Variants in SYN3 observed in about 807,000 individuals in gnomAD.
SYN3 encodes synapsin III.
A neutral mutation model predicts 65.8 loss-of-function variants in SYN3; 35 were observed. That is an observed-to-expected ratio of 0.53 (90% CI 0.41 to 0.70). The LOEUF is 0.70. SYN3 is among the 30% of genes least tolerant of loss of function. The pLI, the probability that SYN3 is intolerant of heterozygous loss-of-function variation, is 0.00. For missense variants in SYN3, 680 were observed against 749.0 expected (o/e 0.91, Z 1.08); for synonymous variants, 270 against 292.9 (o/e 0.92, Z 0.80).
rs533574547 is a variant in SYN3, at chr22:32,941,589, C to CG, written c.370-10109dup. Among the ~76,000 whole-genome samples, 356 of 150,748 alleles carry CG rather than the reference C, an allele frequency of 2.4e-3. 1 individual carries two copies. The highest frequency in any genetic ancestry group is 4.0e-3 in the Non-Finnish European group (265 of 66,896). On this transcript the variant is annotated intron_variant, in intron 3 of 13. Transcript: ENST00000358763. ...CCAGGTTCATCTCACTGGGGTGTGT[C>CG]GGACAGTGGGGGCAGGACAGTCGGT...
intron 6 of SYN3, among the ~76,000 whole-genome samples, chr22:32,677,796 T>C (rs1457606455): frequency 2.0e-5 from 3 of 150,736 alleles, no homozygotes. Context: ...GCAAGACTCC[T>C]TCTCGGAAAA....
At chr22:32,637,160 T>A (rs1192207812) in intron 6 of SYN3, among the ~76,000 whole-genome samples, 3 of 152,194 alleles carry the variant, frequency 2.0e-5, no homozygotes, top group Non-Finnish European at 2.9e-5. Flanking sequence ...TTCTAAATCT[T>A]ACCAGAGGCA....
At chr22:32,897,041 T>C (rs962423552) in intron 4 of SYN3, among the ~76,000 whole-genome samples, 2 of 152,120 alleles carry the variant, frequency 1.3e-5, no homozygotes, top group Admixed American at 1.3e-4. Context: ...AACTCTTACA[T>C]AGAGGACTCT....
intron 1 of SYN3, among the ~76,000 whole-genome samples, chr22:33,030,856 GAC>G (rs2053740962): frequency 6.6e-6 from 1 of 151,936 alleles, no homozygotes; most frequent in African/African-American, 2.4e-5. Context: ...GAGATAGAGA[GAC>G]AGAGATACAT....
chr22:32,617,228 CA>C (rs903356109), intron 6 of SYN3, among the ~76,000 whole-genome samples: 4 of 151,810 alleles, frequency 2.6e-5, no homozygotes, highest in African/African-American at 9.7e-5. Flanking sequence ...GGAGCCTCAA[CA>C]AAAAAAGAAG....
Position 33,025,451 on chromosome 22 carries a change from A to G in SYN3, c.-162-18627T>C, listed in dbSNP as rs542828519. On this transcript the variant is annotated intron_variant, in intron 1 of 13. Transcript: ENST00000358763. ...TCCGTCTCAAAAAAAAAAAAAAAAAAAAAGAAAGCTGGTCTCTACTAAAAA... is the reference window on the plus strand; with the variant it reads ...TCCGTCTCAAAAAAAAAAAAAAAAAGAAAGAAAGCTGGTCTCTACTAAAAA... Among the ~76,000 whole-genome samples, 87 of 150,180 alleles carry G rather than the reference A, an allele frequency of 5.8e-4. 1 individual carries two copies. The South Asian group carries it at 7.2e-3, about 12-fold the overall frequency.
chr22:32,806,740 T>A (rs1385518696), intron 6 of SYN3, among the ~76,000 whole-genome samples: 1 of 152,216 alleles, frequency 6.6e-6, no homozygotes, highest in Non-Finnish European at 1.5e-5. Context: ...CATGTATGTA[T>A]CTCTCTGTAT....
chr22:32,788,964 T>C (rs1473715565), intron 6 of SYN3, among the ~76,000 whole-genome samples: 1 of 152,130 alleles, frequency 6.6e-6, no homozygotes, highest in Non-Finnish European at 1.5e-5. Flanking sequence ...CCTTGCCACA[T>C]GCTGCCCCCC....
chr22:32,927,830 T>G (rs1183817101), intron 4 of SYN3, among the ~76,000 whole-genome samples: 1 of 152,206 alleles, frequency 6.6e-6, no homozygotes, highest in Non-Finnish European at 1.5e-5. Context: ...ATGTTTTTAT[T>G]TTGCCATCAT....
chr22:32,531,055 C>A (rs1473386154), intron 10 of SYN3, among the ~76,000 whole-genome samples: 1 of 147,126 alleles, frequency 6.8e-6, no homozygotes, highest in African/African-American at 2.5e-5. Context: ...CCCTGTGGAA[C>A]GCGTTTCCCT....
At chr22:32,708,406 T>C (rs1422757245) in intron 6 of SYN3, among the ~76,000 whole-genome samples, 1 of 152,178 alleles carries the variant, frequency 6.6e-6, no homozygotes, top group East Asian at 1.9e-4. Context: ...TTTCAGAACT[T>C]TCTCTAAGGC....
At chr22:32,823,674 AGG>A (rs2047319283) in intron 6 of SYN3, among the ~76,000 whole-genome samples, 1 of 152,200 alleles carries the variant, frequency 6.6e-6, no homozygotes, top group Non-Finnish European at 1.5e-5. Context: ...TGGCTGAGGC[AGG>A]AAGAAGCTTG....
intron 6 of SYN3, among the ~76,000 whole-genome samples, chr22:32,672,773 A>G (rs2060388897): frequency 6.6e-6 from 1 of 152,200 alleles, no homozygotes; most frequent in African/African-American, 2.4e-5. Context: ...ACATTGGGAA[A>G]CTGGGTGGGG....
chr22:32,966,368 TAC>T (rs1422661889), intron 3 of SYN3, among the ~76,000 whole-genome samples: 14 of 152,138 alleles, frequency 9.2e-5, no homozygotes, highest in Admixed American at 9.2e-4. Context: ...AAGATGGTAT[TAC>T]CATGGGTGGG....
chr22:32,514,251 G>C (rs914684384), intron 13 of SYN3, among the ~76,000 whole-genome samples: 1 of 152,156 alleles, frequency 6.6e-6, no homozygotes, highest in Non-Finnish European at 1.5e-5. Flanking sequence ...TCCAGCACTC[G>C]TTTAGGTATC....
intron 6 of SYN3, among the ~76,000 whole-genome samples, chr22:32,780,993 T>TTC (rs2046043707): frequency 1.3e-5 from 1 of 74,648 alleles, no homozygotes. Flanking sequence ...TTCCTTCCTC[T>TTC]CTCTCACCCC....
At chr22:33,012,747 G>A (rs1017008958) in intron 1 of SYN3, among the ~76,000 whole-genome samples, 2 of 152,252 alleles carry the variant, frequency 1.3e-5, no homozygotes, top group African/African-American at 4.8e-5. Flanking sequence ...CAGCCACTCT[G>A]TGAGCTTATA....
At chr22:32,662,082 G>A (rs1421488623) in intron 6 of SYN3, among the ~76,000 whole-genome samples, 2 of 152,146 alleles carry the variant, frequency 1.3e-5, no homozygotes, top group Non-Finnish European at 2.9e-5. Context: ...GGGGACACGT[G>A]CAAAATCTAA....
intron 1 of SYN3, chr22:33,015,134 T>C (rs1601908993): frequency 5.5e-6 from 1 of 180,442 alleles, no homozygotes; most frequent in East Asian, 1.8e-4. Flanking sequence ...GGCAGGAGAA[T>C]GGAGTGAACC....
Sources: gnomAD v4.1 joint callset for allele counts (sites outside exome capture counted in the v4.1 genomes callset) on GRCh38, gnomAD v4.1.1 for gene constraint, MANE v1.5 for transcripts, NCBI Gene and HGNC (gene_info 2026-07-23, HGNC 2026-07-21) for gene names.